BBS4: variants seen among roughly 807,000 people sequenced by gnomAD.
BBS4 encodes BBSome complex member BBS4.
A neutral mutation model predicts 71.4 loss-of-function variants in BBS4; 58 were observed. That is an observed-to-expected ratio of 0.81 (90% CI 0.66 to 1.01). The LOEUF (loss-of-function observed/expected upper bound fraction) is 1.01, where lower values mean the gene tolerates loss of function less well. BBS4 is among the 50% of genes least tolerant of loss of function. The probability of loss-of-function intolerance (pLI) is 0.00; values close to 1 mark genes in which losing one functional copy is unlikely to be tolerated. For synonymous variants in BBS4, 228 were observed against 216.8 expected (o/e 1.05, Z -0.46); for missense variants, 660 against 607.9 (o/e 1.09, Z -0.90).
chr15:72,735,401 A>C (rs1237107467), intron 13 of BBS4: 1 of 578,632 alleles, frequency 1.7e-6, no homozygotes, highest in Non-Finnish European at 3.2e-6. Flanking sequence ...TAAACTGAGT[A>C]ATCAGGAGGC....
In BBS4 at chr15:72,694,794, A is replaced by T. The variant is rs200948230; in HGVS notation, c.25-383A>T. 9.5e-4 allele frequency among the ~76,000 whole-genome samples: 145 copies of T among 152,190 alleles called. No homozygotes were observed. The Middle Eastern group carries it at 0.014, about 14-fold the overall frequency. ...AGACAGTTTCTGTGTAGATGATCTCATAAGCTTCCTTTTATCAAACAGCGA... is the reference window on the plus strand; with the variant it reads ...AGACAGTTTCTGTGTAGATGATCTCTTAAGCTTCCTTTTATCAAACAGCGA... On this transcript the variant is annotated intron_variant, in intron 1 of 15. Coordinates refer to ENST00000268057, the MANE Select transcript of BBS4 (RefSeq NM_033028.5).
rs2151058238 is a variant in BBS4, at chr15:72,737,478, G to A, written c.1451G>A (p.Gly484Asp). The change falls in exon 16 of 16, where the codon GGT becomes GAT. Residue 484 changes from glycine to aspartate, a missense_variant and splice_region_variant. Gly to Asp is a moderately conservative substitution (Grantham distance 94). Transcript: ENST00000268057. ...ATTCAAGTTTTTATTTTGTTACTAG[G>A]TGCTGGAGGAACATCCCAGTTCACA... ...SAAAYRTLPS[G>D]AGGTSQFTKP... 1 of 1,610,574 alleles carries A rather than the reference G, an allele frequency of 6.2e-7. No homozygotes were observed. The highest frequency in any genetic ancestry group is 8.5e-7 in the Non-Finnish European group (1 of 1,178,250).
At chr15:72,735,679 T>G (rs921128757) in intron 13 of BBS4, 146 bp from the exon 14 acceptor site, 1 of 1,015,146 alleles carries the variant, frequency 9.9e-7, no homozygotes, top group African/African-American at 1.6e-5. Context: ...TCCACAGGTC[T>G]GCTTAGCACG....
At position 72,707,177 on chromosome 15, in the gene BBS4, C is replaced by CTTTTTT. The variant is rs756415809; in HGVS notation, c.77-2519_77-2518insTTTTTT. ...GCTCTTCCCTTTCTTTTCCTTTTTT[C>CTTTTTT]TTTTCTTTTTTTTTTTTTGGAGACA... On this transcript the variant is annotated intron_variant, in intron 2 of 15. Transcript: ENST00000268057. Among the ~76,000 whole-genome samples, 8 of 132,446 alleles carry CTTTTTT rather than the reference C, an allele frequency of 6.0e-5. 3 individuals are homozygous for CTTTTTT. The highest frequency in any genetic ancestry group is 8.2e-5 in the Non-Finnish European group (5 of 60,634). 86.9% of individuals were successfully genotyped at this position (132,446 alleles called of 152,430 possible).
intron 4 of BBS4, among the ~76,000 whole-genome samples, 197 bp from the exon 5 acceptor site, chr15:72,715,094 C>T (rs759765136): frequency 5.9e-5 from 9 of 152,144 alleles, no homozygotes; most frequent in Non-Finnish European, 8.8e-5. Flanking sequence ...TGCTAAAAGA[C>T]AGTTGAGCTT....
intron 13 of BBS4, chr15:72,735,564 T>A (rs574132033): frequency 4.3e-4 from 244 of 562,990 alleles, no homozygotes; most frequent in Non-Finnish European, 6.7e-4. Flanking sequence ...AGGGTAGAGA[T>A]CCCTTTTTCA....
At chr15:72,699,048 A>G (rs1254551240) in intron 2 of BBS4, among the ~76,000 whole-genome samples, 3 of 152,136 alleles carry the variant, frequency 2.0e-5, no homozygotes, top group African/African-American at 7.2e-5. Flanking sequence ...AGAATAGTTT[A>G]TCTTACTTGT....
chr15:72,709,277 GA>G (rs898945242), intron 2 of BBS4, among the ~76,000 whole-genome samples: 20 of 152,282 alleles, frequency 1.3e-4, no homozygotes, highest in African/African-American at 3.4e-4. Context: ...GACGCTTATA[GA>G]AAATAGAAAG....
intron 8 of BBS4, among the ~76,000 whole-genome samples, chr15:72,726,084 T>C (rs1424427132): frequency 6.7e-6 from 1 of 148,870 alleles, no homozygotes; most frequent in African/African-American, 2.5e-5. Flanking sequence ...CTTTGTTTCT[T>C]TCTTTTCTTC....
chr15:72,707,015 C>T (rs1417649411), intron 2 of BBS4, among the ~76,000 whole-genome samples: 2 of 151,854 alleles, frequency 1.3e-5, no homozygotes, highest in Non-Finnish European at 2.9e-5. Context: ...GCAACATTAA[C>T]TCTGAGTCAC....
Position 72,722,778 on chromosome 15 carries a change from T to C in BBS4, c.406-16T>C, listed in dbSNP as rs2065600605. ...AATTACACCTGAGTTGTTTTCCTTC[T>C]TTTTTATGAGCCTAGGAGATCAGCC... On this transcript the variant is annotated splice_polypyrimidine_tract_variant and intron_variant, in intron 6 of 15. Coordinates refer to ENST00000268057, the MANE Select transcript of BBS4 (RefSeq NM_033028.5). 1 of 1,613,120 alleles carries C rather than the reference T, an allele frequency of 6.2e-7. No individual in the cohort carries two copies. The highest frequency in any genetic ancestry group is 8.5e-7 in the Non-Finnish European group (1 of 1,179,200).
At chr15:72,700,967 T>A (rs550069599) in intron 2 of BBS4, among the ~76,000 whole-genome samples, 1 of 152,316 alleles carries the variant, frequency 6.6e-6, no homozygotes, top group East Asian at 1.9e-4. Context: ...GATATCTTTC[T>A]ATTGAAATAT....
intron 6 of BBS4, among the ~76,000 whole-genome samples, chr15:72,719,029 G>A (rs955827526): frequency 3.9e-5 from 6 of 152,280 alleles, no homozygotes; most frequent in Admixed American, 1.3e-4. Context: ...CCTGCAATGA[G>A]CTGAGGATGG....
In BBS4 at chr15:72,736,829, C is replaced by G. The variant is rs483352761; in HGVS notation, c.1316C>G (p.Pro439Arg). 2 of 1,614,042 alleles carry G rather than the reference C, an allele frequency of 1.2e-6. No individual in the cohort carries two copies. Among genetic ancestry groups the G allele is most frequent in the Non-Finnish European group, 1.7e-6 (2 of 1,180,036 alleles). Residue 439 changes from proline (P) to arginine (R), a missense_variant, in exon 15 of 16, where the codon CCA becomes CGA. Coordinates refer to ENST00000268057, the MANE Select transcript of BBS4 (RefSeq NM_033028.5). ...QVGEALVWTK[P>R]VKDPKSKHQT... ...GGGGAGGCACTGGTCTGGACCAAAC[C>G]AGTTAAAGATCCCAAATCAAAGCAC... is the stretch of plus-strand genomic sequence containing the variant.
At chr15:72,730,831 G>C (rs1424088816) in intron 10 of BBS4, among the ~76,000 whole-genome samples, 1 of 152,068 alleles carries the variant, frequency 6.6e-6, no homozygotes, top group Non-Finnish European at 1.5e-5. Context: ...GAAAGGGCTG[G>C]GCTGATGAAG....
chr15:72,703,022 G>A (rs941933614), intron 2 of BBS4, among the ~76,000 whole-genome samples: 2 of 149,908 alleles, frequency 1.3e-5, no homozygotes, highest in Non-Finnish European at 3.0e-5. Flanking sequence ...TTTTTTAGCC[G>A]GGATGGTCTC....
rs1384592345 is a variant in BBS4, at chr15:72,686,219, T to C, written c.-9T>C. 1.3e-6 allele frequency: 2 copies of C among 1,560,918 alleles called. No individual in the cohort carries two copies. The highest frequency in any genetic ancestry group is 1.7e-6 in the Non-Finnish European group (2 of 1,153,282). On this transcript the variant is annotated 5_prime_UTR_variant, in exon 1 of 16. Coordinates refer to ENST00000268057, the MANE Select transcript of BBS4 (RefSeq NM_033028.5). Reference sequence around the variant, plus strand: ...GACTTCCGGCCGCGCAGCGGTGGGCTGAGCTAAAATGGCTGAGGAGAGAGT... The same window carrying C: ...GACTTCCGGCCGCGCAGCGGTGGGCCGAGCTAAAATGGCTGAGGAGAGAGT...
At chr15:72,696,407 T>C (rs1309057532) in intron 2 of BBS4, among the ~76,000 whole-genome samples, 2 of 152,074 alleles carry the variant, frequency 1.3e-5, no homozygotes, top group African/African-American at 4.8e-5. Flanking sequence ...AAATTCTGAG[T>C]TTCGACAAAT....
intron 4 of BBS4, 101 bp downstream of exon 4, chr15:72,712,408 G>C: frequency 9.1e-7 from 1 of 1,100,040 alleles, no homozygotes; most frequent in African/African-American, 1.5e-5. Context: ...GTACAGTCAT[G>C]CACCACTTAA....
Sources: allele counts gnomAD v4.1 joint callset (sites outside exome capture counted in the v4.1 genomes callset), GRCh38; gene constraint gnomAD v4.1.1; transcripts MANE v1.5; gene names NCBI Gene and HGNC (gene_info 2026-07-23, HGNC 2026-07-21).